Variants in AHCTF1 observed in about 807,000 individuals in gnomAD.
AHCTF1 encodes AT-hook containing transcription factor 1.
Under a neutral mutation model 248.4 loss-of-function variants are expected in AHCTF1, and 24 were observed. That is an observed-to-expected ratio of 0.10 (90% CI 0.07 to 0.14). The LOEUF (loss-of-function observed/expected upper bound fraction) is 0.14, where lower values mean the gene tolerates loss of function less well. AHCTF1 is among the 10% of genes least tolerant of loss of function. The pLI is 1.00. For missense variants in AHCTF1, 2,206 were observed against 2,636.2 expected (o/e 0.84, Z 3.57); for synonymous variants, 786 against 929.8 (o/e 0.85, Z 2.81).
In AHCTF1 at chr1:246,842,568, C is replaced by G. The variant is rs1053849833; in HGVS notation, c.6608+126G>C. 13 of 663,744 alleles carry G rather than the reference C, an allele frequency of 2.0e-5. No individual in the cohort carries two copies. In the African/African-American group the frequency reaches 2.1e-4, roughly 11 times the overall value. The allele number at this position is 663,744 out of a possible 1,614,324, so 41.1% of individuals were successfully genotyped here. On this transcript the variant is annotated intron_variant, in intron 35 of 35. Transcript: ENST00000648844. ...CTGCACTCCAGCCTTGGTGACAGAC[C>G]GAGACTCTGTCTCAAAAAAAATAAA... is the stretch of plus-strand genomic sequence containing the variant.
At chr1:246,902,998 C>A (rs1665113416) in intron 7 of AHCTF1, among the ~76,000 whole-genome samples, 1 of 152,160 alleles carries the variant, frequency 6.6e-6, no homozygotes, top group African/African-American at 2.4e-5. Context: ...CAATACTATA[C>A]CTGTGTTCTC....
intron 5 of AHCTF1, among the ~76,000 whole-genome samples, chr1:246,907,026 T>C (rs923448548): frequency 2.2e-4 from 33 of 152,174 alleles, no homozygotes; most frequent in Non-Finnish European, 1.8e-4. Context: ...ATTCAGTCAT[T>C]GTGCAAACAT....
At position 246,931,804 on chromosome 1, in the gene AHCTF1, C is replaced by G. The variant is rs1461900406; in HGVS notation, c.-234G>C. On this transcript the variant is annotated 5_prime_UTR_variant, in exon 1 of 36. Coordinates refer to ENST00000648844, the MANE Select transcript of AHCTF1 (RefSeq NM_001323342.2). Reference sequence around the variant, plus strand: ...CCACACGCCCCCGAGAGTGCCTTCGCGGGCTGTAGGCCTGCAGACCGCTCA... The same window carrying G: ...CCACACGCCCCCGAGAGTGCCTTCGGGGGCTGTAGGCCTGCAGACCGCTCA... 1.3e-5 allele frequency: 2 copies of G among 152,380 alleles called. No individual in the cohort carries two copies. Among genetic ancestry groups the G allele is most frequent in the Non-Finnish European group, 2.9e-5 (2 of 68,216 alleles). 9.4% of individuals were successfully genotyped at this position (152,380 alleles called of 1,614,324 possible).
chr1:246,926,767 A>T (rs1365259245), intron 1 of AHCTF1, among the ~76,000 whole-genome samples: 1 of 152,064 alleles, frequency 6.6e-6, no homozygotes, highest in Non-Finnish European at 1.5e-5. Context: ...GAGGCAGGAG[A>T]ATCACTTGAA....
chr1:246,897,514 G>T (rs1192197572), intron 12 of AHCTF1, among the ~76,000 whole-genome samples: 2 of 152,128 alleles, frequency 1.3e-5, no homozygotes, highest in Admixed American at 6.6e-5. Flanking sequence ...TGCAATCATG[G>T]TAAGAGCGTA....
chr1:246,872,829 A>G (rs1662693952), intron 24 of AHCTF1, among the ~76,000 whole-genome samples: 1 of 152,186 alleles, frequency 6.6e-6, no homozygotes, highest in South Asian at 2.1e-4. Flanking sequence ...AACATGCTGT[A>G]GATTTTTAAA....
chr1:246,869,890 T>G (rs1162597002), intron 24 of AHCTF1, among the ~76,000 whole-genome samples: 1 of 152,150 alleles, frequency 6.6e-6, no homozygotes, highest in East Asian at 1.9e-4. Flanking sequence ...GAAATACATT[T>G]CATAAAGCTA....
chr1:246,845,401 G>A (rs1349661115), intron 33 of AHCTF1, among the ~76,000 whole-genome samples: 2 of 152,072 alleles, frequency 1.3e-5, no homozygotes, highest in African/African-American at 4.8e-5. Flanking sequence ...TCAGATATCA[G>A]AAATATATAA....
chr1:246,911,792 A>T (rs1481824207), intron 4 of AHCTF1, among the ~76,000 whole-genome samples: 3 of 151,132 alleles, frequency 2.0e-5, no homozygotes, highest in Middle Eastern at 3.4e-3. Flanking sequence ...CTCTTCTATT[A>T]AGATATTTTA....
chr1:246,858,447 C>T (rs748720600), intron 29 of AHCTF1, among the ~76,000 whole-genome samples: 3 of 152,146 alleles, frequency 2.0e-5, no homozygotes, highest in East Asian at 1.9e-4. Context: ...CAGCTCATGA[C>T]GCATACTCAG....
intron 15 of AHCTF1, 48 bp downstream of exon 15, chr1:246,891,731 A>G (rs759528795): frequency 1.6e-5 from 26 of 1,588,564 alleles, no homozygotes; most frequent in Non-Finnish European, 2.0e-5. Flanking sequence ...CTCTTAGTCA[A>G]GAAGTAAAAT....
chr1:246,850,703 G>A lies in AHCTF1; in HGVS notation c.5303C>T (p.Pro1768Leu). 6.2e-7 allele frequency: 1 copy of A among 1,613,920 alleles called. No individual in the cohort carries two copies. The highest frequency in any genetic ancestry group is 8.5e-7 in the Non-Finnish European group (1 of 1,179,860). The change falls in exon 33 of 36, where the codon CCA becomes CTA. Residue 1768 changes from proline (P) to leucine (L), a missense_variant. Physicochemically the swap from Pro to Leu is moderately conservative, Grantham distance 98 (BLOSUM62 -3). Coordinates refer to ENST00000648844, the MANE Select transcript of AHCTF1 (RefSeq NM_001323342.2). The stretch of plus-strand genomic sequence containing the variant: ...AGTTTTCTTCCTGACTGACTGCCCT[G>A]GCATCTTAGGAGTAGCAACATCTGC... ...ASADVATPKMPGQSVRKKTRK... is the reference protein window; with the variant it reads ...ASADVATPKMLGQSVRKKTRK...
At chr1:246,923,608 C>T (rs1428417653) in intron 1 of AHCTF1, among the ~76,000 whole-genome samples, 1 of 152,136 alleles carries the variant, frequency 6.6e-6, no homozygotes, top group African/African-American at 2.4e-5. Flanking sequence ...ACTCTTCAAT[C>T]AACATTTCTG....
chr1:246,915,162 T>C (rs1666056798), intron 3 of AHCTF1, among the ~76,000 whole-genome samples: 1 of 151,900 alleles, frequency 6.6e-6, no homozygotes, highest in Non-Finnish European at 1.5e-5. Context: ...AAACCCCATC[T>C]CTACTAAAAA....
intron 24 of AHCTF1, among the ~76,000 whole-genome samples, chr1:246,874,652 A>C (rs2103100454): frequency 6.6e-6 from 1 of 152,150 alleles, no homozygotes; most frequent in Middle Eastern, 3.4e-3. Flanking sequence ...TCTCAATAAA[A>C]CTTGTATCTT....
intron 31 of AHCTF1, among the ~76,000 whole-genome samples, chr1:246,855,426 A>T (rs913194907): frequency 3.3e-5 from 5 of 152,252 alleles, no homozygotes; most frequent in Admixed American, 1.3e-4. Context: ...AAGTTATCAC[A>T]AACAAACACG....
chr1:246,857,018 G>T (rs1267309781), intron 30 of AHCTF1, among the ~76,000 whole-genome samples: 1 of 152,198 alleles, frequency 6.6e-6, no homozygotes, highest in Non-Finnish European at 1.5e-5. Flanking sequence ...CATGCAATCT[G>T]TGTCAGTCTC....
At chr1:246,918,021 T>C (rs1205890217) in intron 2 of AHCTF1, among the ~76,000 whole-genome samples, 2 of 152,016 alleles carry the variant, frequency 1.3e-5, no homozygotes, top group African/African-American at 4.8e-5. Flanking sequence ...ACAAAACACA[T>C]GAGATTTTTA....
chr1:246,907,433 A>C (rs1665471996), intron 5 of AHCTF1, 118 bp downstream of exon 5: 1 of 867,742 alleles, frequency 1.2e-6, no homozygotes, highest in Non-Finnish European at 1.7e-6. Flanking sequence ...TCATTCATTC[A>C]ATCATTAATC....
Sources: gnomAD v4.1 joint callset for allele counts (sites outside exome capture counted in the v4.1 genomes callset) on GRCh38, gnomAD v4.1.1 for gene constraint, MANE v1.5 for transcripts, NCBI Gene and HGNC (gene_info 2026-07-23, HGNC 2026-07-21) for gene names.